PRKN: variants seen among roughly 807,000 people sequenced by gnomAD.
PRKN encodes parkin RBR E3 ubiquitin protein ligase, also known as E3 ubiquitin-protein ligase parkin.
Under a neutral mutation model 59.5 loss-of-function variants are expected in PRKN, and 56 were observed. That is an observed-to-expected ratio of 0.94 (90% CI 0.76 to 1.18). PRKN has a LOEUF of 1.18. PRKN is among the 50% of genes most tolerant of loss of function. The pLI is 0.00. For synonymous variants in PRKN, 250 were observed against 222.1 expected, an observed-to-expected ratio of 1.13 and a Z score of -1.12; for missense variants, 657 against 596.4, an observed-to-expected ratio of 1.10 and a Z score of -1.06.
At chr6:162,412,093 A>G (rs554373521) in intron 2 of PRKN, among the ~76,000 whole-genome samples, 7 of 152,108 alleles carry the variant, frequency 4.6e-5, no homozygotes, top group Non-Finnish European at 8.8e-5. Context: ...ATCTTAATTT[A>G]CTTAAAAACA....
chr6:162,486,931 G>A (rs1166020958), intron 1 of PRKN, among the ~76,000 whole-genome samples: 3 of 151,990 alleles, frequency 2.0e-5, no homozygotes, highest in Non-Finnish European at 4.4e-5. Context: ...TTAGCCGGGC[G>A]TGGTAGTGCA....
At chr6:162,066,814 C>T (rs1181540362) in intron 4 of PRKN, among the ~76,000 whole-genome samples, 2 of 152,202 alleles carry the variant, frequency 1.3e-5, no homozygotes, top group Non-Finnish European at 2.9e-5. Flanking sequence ...AATTGAATCA[C>T]TGATACAGAT....
At chr6:162,475,062 T>C (rs917555475) in intron 1 of PRKN, among the ~76,000 whole-genome samples, 2 of 152,222 alleles carry the variant, frequency 1.3e-5, no homozygotes, top group Non-Finnish European at 2.9e-5. Flanking sequence ...ATTTACCTTC[T>C]GATATGCTTC....
chr6:162,060,721 C>T (rs1778067743), intron 4 of PRKN, among the ~76,000 whole-genome samples: 1 of 152,180 alleles, frequency 6.6e-6, no homozygotes, highest in African/African-American at 2.4e-5. Flanking sequence ...ATCTGCTCAT[C>T]ATATGTGAGT....
chr6:161,929,124 A>T (rs1329244952), intron 6 of PRKN, among the ~76,000 whole-genome samples: 3 of 152,230 alleles, frequency 2.0e-5, no homozygotes, highest in Non-Finnish European at 1.5e-5. Flanking sequence ...TATAAATGGA[A>T]TATTATTTGG....
At chr6:162,258,604 A>C (rs904712087) in intron 3 of PRKN, among the ~76,000 whole-genome samples, 1 of 152,188 alleles carries the variant, frequency 6.6e-6, no homozygotes, top group African/African-American at 2.4e-5. Context: ...GTACTACTCA[A>C]AGCACAGCCC....
intron 2 of PRKN, among the ~76,000 whole-genome samples, chr6:162,288,460 T>C (rs547066542): frequency 6.6e-6 from 1 of 152,140 alleles, no homozygotes; most frequent in African/African-American, 2.4e-5. Context: ...AAAAGGGAGA[T>C]TATCCCCGGC....
chr6:162,061,683 A>G (rs1778112097), intron 4 of PRKN, among the ~76,000 whole-genome samples: 1 of 152,240 alleles, frequency 6.6e-6, no homozygotes, highest in African/African-American at 2.4e-5. Context: ...GCAGCATAAT[A>G]AATGCAATCA....
At chr6:162,087,400 A>G (rs1380623736) in intron 4 of PRKN, among the ~76,000 whole-genome samples, 1 of 152,078 alleles carries the variant, frequency 6.6e-6, no homozygotes, top group Non-Finnish European at 1.5e-5. Flanking sequence ...AGAAAAATCA[A>G]ATATACATTT....
intron 6 of PRKN, among the ~76,000 whole-genome samples, chr6:161,943,017 G>T (rs1402360235): frequency 6.6e-6 from 1 of 152,144 alleles, no homozygotes; most frequent in Non-Finnish European, 1.5e-5. Context: ...GGCACTTTTT[G>T]CAAAAGAACT....
At chr6:161,721,302 C>T (rs750171019) in intron 7 of PRKN, among the ~76,000 whole-genome samples, 1 of 152,170 alleles carries the variant, frequency 6.6e-6, no homozygotes, top group Non-Finnish European at 1.5e-5. Flanking sequence ...ATAGAGAGAA[C>T]ATTTGAGCAT....
intron 7 of PRKN, among the ~76,000 whole-genome samples, chr6:161,686,610 T>A (rs1785567012): frequency 6.6e-6 from 1 of 152,152 alleles, no homozygotes; most frequent in African/African-American, 2.4e-5. Context: ...GAATTAAACA[T>A]CCCCAGAGTC....
intron 1 of PRKN, among the ~76,000 whole-genome samples, chr6:162,464,974 G>C (rs949881290): frequency 1.3e-5 from 2 of 152,060 alleles, no homozygotes; most frequent in East Asian, 1.9e-4. Context: ...CAGCCATGGC[G>C]ATCTCATGGC....
chr6:162,404,092 C>T (rs575451183), intron 2 of PRKN, among the ~76,000 whole-genome samples: 110 of 152,110 alleles, frequency 7.2e-4, no homozygotes, highest in Non-Finnish European at 1.4e-3. Context: ...TCCTTTTTGG[C>T]CGGGTGCAGT....
At chr6:162,649,866 A>T (rs928815077) in intron 1 of PRKN, among the ~76,000 whole-genome samples, 3 of 152,180 alleles carry the variant, frequency 2.0e-5, no homozygotes, top group Non-Finnish European at 4.4e-5. Context: ...GTACATGAAT[A>T]TAAGTCTTTC....
chr6:162,145,534 T>C (rs952591657), intron 4 of PRKN, among the ~76,000 whole-genome samples: 3 of 152,112 alleles, frequency 2.0e-5, no homozygotes, highest in Admixed American at 2.0e-4. Context: ...AACAAAGAAT[T>C]AGACAAATGC....
chr6:162,092,958 C>T (rs140468373), intron 4 of PRKN, among the ~76,000 whole-genome samples: 1 of 152,190 alleles, frequency 6.6e-6, no homozygotes, highest in Non-Finnish European at 1.5e-5. Flanking sequence ...GTCTGCCTCA[C>T]GCTTAGCTCT....
At position 161,431,051 on chromosome 6, in the gene PRKN, A is replaced by G. The variant is rs111608418; in HGVS notation, c.1084-44174T>C. Reference sequence around the variant, plus strand: ...CTACTCAGGAGGTTGAGACAGGAGAATTGCTTGAACCTGGGGGGCGGAGGT... The same window carrying G: ...CTACTCAGGAGGTTGAGACAGGAGAGTTGCTTGAACCTGGGGGGCGGAGGT... On this transcript the variant is annotated intron_variant, in intron 9 of 11. Transcript: ENST00000366898. 6.7e-3 allele frequency among the ~76,000 whole-genome samples: 1,011 copies of G among 150,958 alleles called. 16 individuals carry two copies. The highest frequency in any genetic ancestry group is 0.023 in the African/African-American group (961 of 41,070).
At chr6:161,939,786 G>A (rs1235158480) in intron 6 of PRKN, among the ~76,000 whole-genome samples, 1 of 151,910 alleles carries the variant, frequency 6.6e-6, no homozygotes, top group Non-Finnish European at 1.5e-5. Flanking sequence ...CAAAAGAAAT[G>A]GGAAATTTTA....
Sources: gnomAD v4.1 joint callset for allele counts (sites outside exome capture counted in the v4.1 genomes callset) on GRCh38, gnomAD v4.1.1 for gene constraint, MANE v1.5 for transcripts, NCBI Gene and HGNC (gene_info 2026-07-23, HGNC 2026-07-21) for gene names.